DPP6: variants seen among roughly 807,000 people sequenced by gnomAD.
DPP6 encodes the protein dipeptidyl peptidase like 6.
DPP6 carries 69 observed loss-of-function variants against 122.6 expected under a neutral mutation model. That is an observed-to-expected ratio of 0.56 (90% CI 0.46 to 0.69). DPP6 has a LOEUF of 0.69. DPP6 is among the 30% of genes least tolerant of loss of function. The probability of loss-of-function intolerance (pLI) is 0.00; values close to 1 mark genes in which losing one functional copy is unlikely to be tolerated. For missense variants in DPP6, 928 were observed against 1,116.9 expected (o/e 0.83, Z 2.41); for synonymous variants, 418 against 433.1 (o/e 0.97, Z 0.43).
In DPP6 at chr7:154,587,713, G is replaced by A. The variant is rs551144687; in HGVS notation, c.627+20797G>A. On this transcript the variant is annotated intron_variant, in intron 5 of 25. Transcript: ENST00000377770. Reference sequence around the variant, plus strand: ...TTCAAAATCATGTGACTCATTAGCAGTAAGTCAAGCCTGTAGCCCAGCTTG... The same window carrying A: ...TTCAAAATCATGTGACTCATTAGCAATAAGTCAAGCCTGTAGCCCAGCTTG... 665 of 1,554,022 alleles carry A rather than the reference G, an allele frequency of 4.3e-4. 8 individuals are homozygous for A. In the South Asian group the frequency reaches 6.8e-3, roughly 16 times the overall value.
intron 1 of DPP6, among the ~76,000 whole-genome samples, chr7:154,424,127 A>G (rs572597888): frequency 2.6e-5 from 4 of 152,342 alleles, no homozygotes; most frequent in Admixed American, 6.5e-5. Context: ...AGTGTACCAT[A>G]GGCCTAGAAA....
chr7:154,499,497 C>T (rs1825040934), intron 3 of DPP6, among the ~76,000 whole-genome samples: 1 of 152,134 alleles, frequency 6.6e-6, no homozygotes. Context: ...TGAGATGGAG[C>T]AGCGTTAATT....
intron 3 of DPP6, among the ~76,000 whole-genome samples, chr7:154,478,662 T>C (rs994474365): frequency 4.3e-4 from 66 of 152,080 alleles, no homozygotes; most frequent in Non-Finnish European, 7.1e-4. Context: ...TATCACAAAG[T>C]TTGTAAGTAG....
At chr7:154,690,256 C>T (rs1839859197) in intron 7 of DPP6, among the ~76,000 whole-genome samples, 1 of 152,158 alleles carries the variant, frequency 6.6e-6, no homozygotes, top group Non-Finnish European at 1.5e-5. Flanking sequence ...TGAGAAGCAT[C>T]CCATCCAGAG....
At chr7:154,731,592 A>G (rs747809154) in intron 8 of DPP6, among the ~76,000 whole-genome samples, 1 of 152,196 alleles carries the variant, frequency 6.6e-6, no homozygotes, top group Non-Finnish European at 1.5e-5. Context: ...CTGTGAACTC[A>G]GTGTATCTGT....
At chr7:154,269,328 C>A (rs894427767) in intron 1 of DPP6, among the ~76,000 whole-genome samples, 1 of 152,042 alleles carries the variant, frequency 6.6e-6, no homozygotes, top group Admixed American at 6.5e-5. Flanking sequence ...GATTATTTTC[C>A]TATTATTTTG....
intron 1 of DPP6, among the ~76,000 whole-genome samples, chr7:154,047,157 T>A (rs2533748): frequency 3.3e-5 from 5 of 151,482 alleles, no homozygotes; most frequent in African/African-American, 1.2e-4. Context: ...TGGCTCACAG[T>A]CAGTTCTAAG....
At chr7:154,807,651 G>T (rs1398545291) in intron 16 of DPP6, among the ~76,000 whole-genome samples, 1 of 152,134 alleles carries the variant, frequency 6.6e-6, no homozygotes, top group African/African-American at 2.4e-5. Flanking sequence ...GCGAAATCCC[G>T]TCTCTACTAA....
At chr7:154,212,088 T>C (rs6464390) in intron 1 of DPP6, among the ~76,000 whole-genome samples, 114,012 of 151,940 alleles carry the variant, frequency 0.75, 43,536 homozygotes, top group Non-Finnish European at 0.83. Flanking sequence ...GTACCTTGCC[T>C]CCATCACATG....
intron 1 of DPP6, among the ~76,000 whole-genome samples, chr7:154,101,018 G>T (rs1437144367): frequency 1.8e-4 from 23 of 128,628 alleles, no homozygotes; most frequent in Non-Finnish European, 3.6e-4. Context: ...CGGAGCTGTG[G>T]TTGGTCCTGT....
At chr7:154,337,293 A>G (rs887927) in intron 1 of DPP6, among the ~76,000 whole-genome samples, 150,770 of 152,324 alleles carry the variant, frequency 0.99, 74,625 homozygotes, top group Middle Eastern at 1. Flanking sequence ...ACCCACACAC[A>G]TCTGCACATG....
chr7:153,928,410 T>TG (rs1801019676), intron 1 of DPP6, among the ~76,000 whole-genome samples: 1 of 122,404 alleles, frequency 8.2e-6, no homozygotes, highest in African/African-American at 3.1e-5. Context: ...TTTTTTTTTT[T>TG]TTTTTTTTTT....
chr7:154,665,445 A>T (rs1838087934), intron 6 of DPP6, among the ~76,000 whole-genome samples: 1 of 152,178 alleles, frequency 6.6e-6, no homozygotes, highest in Non-Finnish European at 1.5e-5. Flanking sequence ...GAGTCATTAG[A>T]AACTCCTTTA....
intron 7 of DPP6, among the ~76,000 whole-genome samples, chr7:154,703,370 G>A (rs912891289): frequency 6.6e-6 from 1 of 152,162 alleles, no homozygotes; most frequent in African/African-American, 2.4e-5. Flanking sequence ...TGTAATCCCA[G>A]CACTTTGGGA....
chr7:154,244,628 C>G (rs1379539794), intron 1 of DPP6, among the ~76,000 whole-genome samples: 1 of 151,980 alleles, frequency 6.6e-6, no homozygotes, highest in East Asian at 1.9e-4. Context: ...ATAATATTGA[C>G]TGTATATAAA....
the DPP6 span, among the ~76,000 whole-genome samples, chr7:153,863,626 G>A: frequency 6.6e-6 from 1 of 151,992 alleles, no homozygotes; most frequent in Non-Finnish European, 1.5e-5. Flanking sequence ...GATTTTTTTA[G>A]TATGCTTACA....
the DPP6 span, among the ~76,000 whole-genome samples, chr7:153,770,670 T>G: frequency 6.6e-6 from 1 of 152,116 alleles, no homozygotes; most frequent in Non-Finnish European, 1.5e-5. Context: ...AAAGAACCAC[T>G]TAGACACAGA....
At chr7:154,231,809 C>T (rs1208640785) in intron 1 of DPP6, among the ~76,000 whole-genome samples, 1 of 152,188 alleles carries the variant, frequency 6.6e-6, no homozygotes, top group Non-Finnish European at 1.5e-5. Flanking sequence ...GGGCTTCCCC[C>T]ACGTGCTTCT....
chr7:154,610,920 C>A (rs1156332033), intron 5 of DPP6, among the ~76,000 whole-genome samples: 1 of 152,168 alleles, frequency 6.6e-6, no homozygotes, highest in African/African-American at 2.4e-5. Flanking sequence ...AACTTCTAAC[C>A]TCTCACCTTT....
Sources: allele counts gnomAD v4.1 joint callset (sites outside exome capture counted in the v4.1 genomes callset), GRCh38; gene constraint gnomAD v4.1.1; transcripts MANE v1.5; gene names NCBI Gene and HGNC (gene_info 2026-07-23, HGNC 2026-07-21).